The following PIK3R3 variants were observed in gnomAD, a reference collection of about 807,000 sequenced individuals.
PIK3R3 encodes phosphoinositide-3-kinase regulatory subunit 3.
A neutral mutation model predicts 62.9 loss-of-function variants in PIK3R3; 64 were observed. That is an observed-to-expected ratio of 1.02 (90% CI 0.83 to 1.25). PIK3R3 has a LOEUF of 1.25. PIK3R3 is among the 50% of genes most tolerant of loss of function. The pLI is 0.00. For synonymous variants in PIK3R3, 165 were observed against 189.0 expected (o/e 0.87, Z 1.04); for missense variants, 614 against 561.6 (o/e 1.09, Z -0.94).
At chr1:46,132,935 G>A (rs1272369047), upstream of PIK3R3, 8 of 1,164,150 alleles carry the variant, frequency 6.9e-6, no homozygotes, top group South Asian at 1.6e-5. Flanking sequence ...CCGGGCGCTG[G>A]CCGCACTCCA....
At position 46,043,588 on chromosome 1, in the gene PIK3R3, C is replaced by A. The variant is rs927967799; in HGVS notation, c.*85G>T. ...TCACTTCTTGTGCAAAACAAGCAGTCTATGTAGAAAGAATGCCCTCATCGT... is the reference window on the plus strand; with the variant it reads ...TCACTTCTTGTGCAAAACAAGCAGTATATGTAGAAAGAATGCCCTCATCGT... On this transcript the variant is annotated 3_prime_UTR_variant, in exon 10 of 10. Transcript: ENST00000262741. 29 of 1,178,718 alleles carry A rather than the reference C, an allele frequency of 2.5e-5. No individual in the cohort carries two copies. Among genetic ancestry groups the A allele is most frequent in the Non-Finnish European group, 3.5e-5 (28 of 800,028 alleles). 73.0% of individuals were successfully genotyped at this position (1,178,718 alleles called of 1,614,324 possible). A position where few individuals can be genotyped will look rare whatever the true frequency, so the allele number is the denominator to read the frequency against.
At chr1:46,097,570 C>T (rs560580540) in intron 1 of PIK3R3, among the ~76,000 whole-genome samples, 2 of 152,098 alleles carry the variant, frequency 1.3e-5, no homozygotes, top group East Asian at 1.9e-4. Context: ...GCTCTCACCA[C>T]GTCTATTCAA....
intron 7 of PIK3R3, among the ~76,000 whole-genome samples, chr1:46,052,809 A>G (rs1647480972): frequency 6.6e-6 from 1 of 152,180 alleles, no homozygotes; most frequent in Non-Finnish European, 1.5e-5. Context: ...TCAGCAGACA[A>G]TCACATAGAA....
At chr1:46,137,682 CT>C (rs762311143), upstream of PIK3R3, among the ~76,000 whole-genome samples, 8 of 152,316 alleles carry the variant, frequency 5.3e-5, 1 homozygote, top group South Asian at 1.0e-3. Flanking sequence ...CCAGTTCTCT[CT>C]CCTATCACTC....
chr1:46,093,871 A>C (rs1195068183), intron 1 of PIK3R3, among the ~76,000 whole-genome samples: 1 of 150,876 alleles, frequency 6.6e-6, no homozygotes, highest in Non-Finnish European at 1.5e-5. Context: ...AAAAAAAAAA[A>C]CATCCTAGGC....
chr1:46,120,950 T>C (rs1464888895), intron 1 of PIK3R3, among the ~76,000 whole-genome samples: 1 of 152,188 alleles, frequency 6.6e-6, no homozygotes, highest in Non-Finnish European at 1.5e-5. Context: ...GAAGAGATAC[T>C]TTTCCTCTTC....
At chr1:46,071,351 AT>A (rs1649457504) in intron 3 of PIK3R3, among the ~76,000 whole-genome samples, 1 of 151,932 alleles carries the variant, frequency 6.6e-6, no homozygotes, top group African/African-American at 2.4e-5. Context: ...TTAAACCTAA[AT>A]TTCTAGCTAT....
chr1:46,107,873 A>T (rs541549249), intron 1 of PIK3R3, among the ~76,000 whole-genome samples: 2 of 152,320 alleles, frequency 1.3e-5, no homozygotes, highest in South Asian at 4.1e-4. Flanking sequence ...TGTGAGAAAA[A>T]TATTAATACT....
At chr1:46,081,341 C>CA (rs1397504004) in intron 1 of PIK3R3, among the ~76,000 whole-genome samples, 2 of 152,134 alleles carry the variant, frequency 1.3e-5, no homozygotes, top group Admixed American at 1.3e-4. Context: ...TGTCCCGAGA[C>CA]AGAGATTCCC....
Position 46,114,759 on chromosome 1 carries a change from C to G in PIK3R3, c.106+17088G>C, listed in dbSNP as rs1313527942. ...AGCCGAGACTACAGGCATACACCAC[C>G]AAGCCTCACTAATTTTTTTTTTTTT... On this transcript the variant is annotated intron_variant, in intron 1 of 9. Coordinates refer to ENST00000262741, the MANE Select transcript of PIK3R3 (RefSeq NM_003629.4). Among the ~76,000 whole-genome samples, 3 of 131,598 alleles carry G rather than the reference C, an allele frequency of 2.3e-5. No individual in the cohort carries two copies. In the East Asian group the frequency reaches 7.7e-4, roughly 34 times the overall value. The allele number at this position is 131,598 out of a possible 152,430, so 86.3% of individuals were successfully genotyped here.
the PIK3R3 span, among the ~76,000 whole-genome samples, chr1:46,145,016 G>A: frequency 3.4e-5 from 5 of 148,624 alleles, no homozygotes; most frequent in African/African-American, 9.9e-5. Flanking sequence ...CCAGCTACTC[G>A]GGAGGCTGAG....
intron 7 of PIK3R3, 22 bp downstream of exon 7, chr1:46,055,773 C>A: frequency 1.3e-6 from 2 of 1,530,192 alleles, no homozygotes; most frequent in Non-Finnish European, 1.8e-6. Context: ...TCTCCCTCCC[C>A]ATACACTCCC....
Position 46,132,216 on chromosome 1 carries a change from C to G in PIK3R3, c.-264G>C. On this transcript the variant is annotated 5_prime_UTR_variant, in exon 1 of 10. Transcript: ENST00000262741. ...ACACAGAGGCTTGGGGGACGGAGAG[C>G]AGAGGTGTTAAAAAGCGGCTTCCCA... 4 of 1,215,872 alleles carry G rather than the reference C, an allele frequency of 3.3e-6. No individual in the cohort carries two copies. Among genetic ancestry groups the G allele is most frequent in the Non-Finnish European group, 3.1e-6 (3 of 970,290 alleles). 75.3% of individuals were successfully genotyped at this position (1,215,872 alleles called of 1,614,324 possible). A position where few individuals can be genotyped will look rare whatever the true frequency, so the allele number is the denominator to read the frequency against.
the PIK3R3 span, among the ~76,000 whole-genome samples, chr1:46,155,252 TC>T: frequency 6.6e-6 from 1 of 151,754 alleles, no homozygotes; most frequent in East Asian, 1.9e-4. Flanking sequence ...GCCCAGGCAT[TC>T]AAGGCTACAG....
intron 7 of PIK3R3, among the ~76,000 whole-genome samples, chr1:46,051,529 G>A (rs1319773607): frequency 6.6e-6 from 1 of 152,018 alleles, no homozygotes; most frequent in East Asian, 1.9e-4. Context: ...CCAAAGTGCT[G>A]GGATTACAGG....
chr1:46,153,878 C>A, the PIK3R3 span, among the ~76,000 whole-genome samples: 1 of 152,148 alleles, frequency 6.6e-6, no homozygotes, highest in African/African-American at 2.4e-5. Flanking sequence ...ATACAAAGTA[C>A]CATGAGGCAA....
chr1:46,147,399 C>T, the PIK3R3 span, among the ~76,000 whole-genome samples: 1 of 152,130 alleles, frequency 6.6e-6, no homozygotes, highest in African/African-American at 2.4e-5. Context: ...GCCACCACGC[C>T]CGGCCAGGAA....
chr1:46,132,693 GCCCACCCGCTGAGGCGCCA>G (rs1655740221), upstream of PIK3R3: 1 of 1,289,590 alleles, frequency 7.8e-7, no homozygotes, highest in Middle Eastern at 2.1e-4. Context: ...GCCCCATGCT[GCCCACCCGCTGAGGCGCCA>G]CCCAACCGCG....
Position 46,046,599 on chromosome 1 carries a change from T to C in PIK3R3, c.968A>G (p.Gln323Arg), listed in dbSNP as rs1044207235. 1.9e-6 allele frequency: 3 copies of C among 1,613,532 alleles called. No individual in the cohort carries two copies. The highest frequency in any genetic ancestry group is 1.3e-5 in the African/African-American group (1 of 74,904). ...TCCCAGCCAGACATTCAGGCGTTTC[T>C]GTCTCACTCCTTTGTGATTGAGCCA... ...LVWLNHKGVR[Q>R]KRLNVWLGIK... Residue 323 changes from glutamine (Q) to arginine (R), a missense_variant, in exon 8 of 10, where the codon CAG becomes CGG. Physicochemically the swap from Gln to Arg is conservative, Grantham distance 43. Transcript: ENST00000262741.
Sources: gnomAD v4.1 joint callset for allele counts (sites outside exome capture counted in the v4.1 genomes callset) on GRCh38, gnomAD v4.1.1 for gene constraint, MANE v1.5 for transcripts, NCBI Gene and HGNC (gene_info 2026-07-23, HGNC 2026-07-21) for gene names.